The following ACSL5 variants were observed in gnomAD, a reference collection of about 807,000 sequenced individuals.
The protein encoded by ACSL5 is long-chain-fatty-acid--CoA ligase 5.
In ACSL5, 50 loss-of-function variants were observed where a neutral mutation model predicts 84.9. The observed-to-expected ratio is 0.59, with a 90% CI of 0.47 to 0.75. The LOEUF (loss-of-function observed/expected upper bound fraction) is 0.75, where lower values mean the gene tolerates loss of function less well. ACSL5 is among the 30% of genes least tolerant of loss of function. The pLI, the probability that ACSL5 is intolerant of heterozygous loss-of-function variation, is 0.00. For missense variants in ACSL5, 775 were observed against 830.4 expected (o/e 0.93, Z 0.82); for synonymous variants, 280 against 300.7 (o/e 0.93, Z 0.71).
chr10:112,409,649 G>A lies in ACSL5; in HGVS notation c.675G>A (p.Lys225=), dbSNP rs1467098563. The change falls in exon 7 of 21, where the codon AAG becomes AAA. Residue 225 remains lysine (K), a synonymous_variant. Transcript: ENST00000354655. ...ATGACCTGAAGCAAAGAGGGGAGAA[G>A]AGTGGAATTGAGATCTTATCCCTAT... ...FDDDLKQRGE[K]SGIEILSLYD... is the part of the protein sequence containing the mutation. 1.2e-6 allele frequency: 2 copies of A among 1,614,186 alleles called. No homozygotes were observed. The highest frequency in any genetic ancestry group is 1.7e-5 in the Admixed American group (1 of 60,028).
chr10:112,413,428 G>A, intron 12 of ACSL5, 121 bp downstream of exon 12: 1 of 1,260,274 alleles, frequency 7.9e-7, no homozygotes, highest in Middle Eastern at 2.0e-4. Context: ...GTAAAGCCGT[G>A]TGTAAATACA....
chr10:112,416,298 T>C (rs200617432), intron 12 of ACSL5, among the ~76,000 whole-genome samples: 18 of 151,954 alleles, frequency 1.2e-4, no homozygotes, highest in South Asian at 6.2e-4. Context: ...GGTGAAACCC[T>C]GTCTCTACTA....
At chr10:112,379,956 G>A (rs1281342885) in intron 1 of ACSL5, among the ~76,000 whole-genome samples, 1 of 152,192 alleles carries the variant, frequency 6.6e-6, no homozygotes, top group Non-Finnish European at 1.5e-5. Context: ...TGGCACAGGT[G>A]ACAGGGTCCT....
At chr10:112,426,711 C>A in intron 19 of ACSL5, 77 bp from the exon 20 acceptor site, 1 of 1,269,414 alleles carries the variant, frequency 7.9e-7, no homozygotes, top group Non-Finnish European at 1.2e-6. Flanking sequence ...CTTTGACAGG[C>A]ACTTTGAGTT....
intron 3 of ACSL5, among the ~76,000 whole-genome samples, chr10:112,401,170 C>G (rs188478095): frequency 2.0e-5 from 3 of 151,864 alleles, no homozygotes; most frequent in Non-Finnish European, 2.9e-5. Flanking sequence ...GAGCCGAGAT[C>G]GCGCCACTGC....
intron 1 of ACSL5, among the ~76,000 whole-genome samples, chr10:112,382,196 G>A (rs1483165268): frequency 1.3e-5 from 2 of 152,228 alleles, no homozygotes; most frequent in African/African-American, 2.4e-5. Context: ...ACTGCTTAGC[G>A]TTGCCCTTCT....
chr10:112,387,768 C>A (rs567777305), intron 1 of ACSL5, among the ~76,000 whole-genome samples: 3 of 152,164 alleles, frequency 2.0e-5, no homozygotes, highest in Non-Finnish European at 2.9e-5. Context: ...TTTCTATCAC[C>A]ATAGGATGAG....
intron 1 of ACSL5, among the ~76,000 whole-genome samples, chr10:112,392,365 G>A (rs1843661969): frequency 8.8e-6 from 1 of 114,076 alleles, no homozygotes; most frequent in African/African-American, 2.6e-5. Flanking sequence ...CCAGCACTTT[G>A]GGAGGCCAAG....
At chr10:112,400,517 C>A (rs1033940874) in intron 3 of ACSL5, among the ~76,000 whole-genome samples, 3 of 139,822 alleles carry the variant, frequency 2.1e-5, no homozygotes, top group African/African-American at 8.0e-5. Context: ...TCAAGCAATT[C>A]TCTGCCTCAG....
intron 20 of ACSL5, 72 bp downstream of exon 20, chr10:112,426,931 T>A: frequency 1.6e-6 from 2 of 1,244,394 alleles, no homozygotes; most frequent in Non-Finnish European, 1.2e-6. Context: ...TCTAATGAGG[T>A]TTAAATGTAT....
intron 1 of ACSL5, among the ~76,000 whole-genome samples, chr10:112,379,650 A>T (rs1383009527): frequency 6.6e-6 from 1 of 152,170 alleles, no homozygotes; most frequent in Non-Finnish European, 1.5e-5. Context: ...CATCTCCTTT[A>T]AGTAGCGATT....
intron 1 of ACSL5, among the ~76,000 whole-genome samples, chr10:112,390,082 G>T (rs1849526446): frequency 7.7e-6 from 1 of 129,662 alleles, no homozygotes; most frequent in Non-Finnish European, 1.7e-5. Flanking sequence ...ATTGTTAATT[G>T]TAAAAAAATA....
At chr10:112,406,106 T>C (rs1482903337) in intron 5 of ACSL5, 3 of 152,072 alleles carry the variant, frequency 2.0e-5, no homozygotes, top group African/African-American at 7.2e-5. Context: ...TTCAAACCCA[T>C]GTGTTCAAGG....
chr10:112,413,893 C>T (rs946186079), intron 12 of ACSL5, among the ~76,000 whole-genome samples: 5 of 152,062 alleles, frequency 3.3e-5, no homozygotes, highest in South Asian at 2.1e-4. Flanking sequence ...TCTGAAGTGC[C>T]AGGCCCCATG....
At chr10:112,399,456 C>G (rs1843824355) in intron 3 of ACSL5, among the ~76,000 whole-genome samples, 1 of 152,186 alleles carries the variant, frequency 6.6e-6, no homozygotes. Context: ...TCCAGGATTC[C>G]TGATGTCTTA....
In ACSL5 at chr10:112,423,223, TA is replaced by T. The variant is rs1169010561; in HGVS notation, c.1593+783del. The stretch of plus-strand genomic sequence containing the variant: ...AAAAAAAAAAAAAAAAAAAAAAAAA[TA>T]TATATATATATATATATATAGGCTG... On this transcript the variant is annotated intron_variant, in intron 17 of 20. Transcript: ENST00000354655. Among the ~76,000 whole-genome samples, 11 of 59,076 alleles carry T rather than the reference TA, an allele frequency of 1.9e-4. 2 individuals carry two copies. The highest frequency in any genetic ancestry group is 6.1e-4 in the African/African-American group (11 of 18,148). The allele number at this position is 59,076 out of a possible 152,430, so 38.8% of individuals were successfully genotyped here. A position where few individuals can be genotyped will look rare whatever the true frequency, so the allele number is the denominator to read the frequency against.
At chr10:112,421,407 C>T (rs569549184) in intron 14 of ACSL5, among the ~76,000 whole-genome samples, 186 bp from the exon 15 acceptor site, 23 of 152,190 alleles carry the variant, frequency 1.5e-4, no homozygotes, top group East Asian at 7.7e-4. Context: ...GTGATCCTCC[C>T]GCCTCGGCCT....
At chr10:112,407,715 C>A (rs1019321682) in intron 5 of ACSL5, among the ~76,000 whole-genome samples, 1 of 152,176 alleles carries the variant, frequency 6.6e-6, no homozygotes, top group Non-Finnish European at 1.5e-5. Context: ...TCACTTCCTT[C>A]TTTTAATCTA....
rs1410726873 is a variant in ACSL5, at chr10:112,404,937, T to C, written c.432+131T>C. 6 of 810,582 alleles carry C rather than the reference T, an allele frequency of 7.4e-6. No homozygotes were observed. The African/African-American group carries it at 1.0e-4, about 14-fold the overall frequency. The allele number at this position is 810,582 out of a possible 1,614,324, so 50.2% of individuals were successfully genotyped here. On this transcript the variant is annotated intron_variant, in intron 5 of 20. Coordinates refer to ENST00000354655, the MANE Select transcript of ACSL5 (RefSeq NM_203379.2). The stretch of plus-strand genomic sequence containing the variant: ...AGCTATTGTTAAAATTTTCTAATGC[T>C]TATTCTACTTGAAAGAGTTACCACT...
Sources: gnomAD v4.1 joint callset for allele counts (sites outside exome capture counted in the v4.1 genomes callset) on GRCh38, gnomAD v4.1.1 for gene constraint, MANE v1.5 for transcripts, NCBI Gene and HGNC (gene_info 2026-07-23, HGNC 2026-07-21) for gene names.